Variants in CTPS1 observed in about 807,000 individuals in gnomAD.
CTPS1 encodes CTP synthetase 1.
A neutral mutation model predicts 80.5 loss-of-function variants in CTPS1; 25 were observed. The ratio of observed to expected loss-of-function variants is 0.31; its 90% CI spans 0.23 to 0.43. The LOEUF is 0.43. CTPS1 is among the 20% of genes least tolerant of loss of function. CTPS1 has a pLI of 1.00. For synonymous variants in CTPS1, 267 were observed against 252.5 expected (o/e 1.06, Z -0.54); for missense variants, 442 against 725.7 (o/e 0.61, Z 4.49).
chr1:40,994,938 T>G (rs1277429743), intron 7 of CTPS1, among the ~76,000 whole-genome samples: 1 of 152,256 alleles, frequency 6.6e-6, no homozygotes, highest in Non-Finnish European at 1.5e-5. Context: ...TTTCTATTTA[T>G]GTGGTGAATT....
At chr1:40,992,153 A>G (rs1043448580) in intron 7 of CTPS1, among the ~76,000 whole-genome samples, 2 of 152,110 alleles carry the variant, frequency 1.3e-5, no homozygotes, top group African/African-American at 4.8e-5. Context: ...TTAAGAACCC[A>G]TGTCCCCCTC....
At chr1:40,985,805 T>C (rs943733288) in intron 3 of CTPS1, among the ~76,000 whole-genome samples, 1 of 152,190 alleles carries the variant, frequency 6.6e-6, no homozygotes, top group Non-Finnish European at 1.5e-5. Flanking sequence ...TCACCAGCTT[T>C]GTGAACATGG....
intron 5 of CTPS1, among the ~76,000 whole-genome samples, chr1:40,990,211 A>G (rs1390870920): frequency 1.3e-5 from 2 of 152,206 alleles, no homozygotes; most frequent in Non-Finnish European, 2.9e-5. Flanking sequence ...AAAACCTAAA[A>G]TACTTACTAT....
At chr1:41,009,900 C>G (rs1197353570) in intron 17 of CTPS1, among the ~76,000 whole-genome samples, 3 of 152,178 alleles carry the variant, frequency 2.0e-5, no homozygotes, top group Non-Finnish European at 4.4e-5. Flanking sequence ...GGTTTATGTC[C>G]CATTGCCACC....
chr1:40,986,126 G>A (rs1642445928), intron 3 of CTPS1, among the ~76,000 whole-genome samples: 1 of 152,238 alleles, frequency 6.6e-6, no homozygotes, highest in Non-Finnish European at 1.5e-5. Context: ...TTACCTGTGG[G>A]GGAGGCAAAC....
rs1023738339 is a variant in CTPS1, at chr1:41,011,799, T to C, written c.*151T>C. 6.6e-6 allele frequency: 1 copy of C among 152,234 alleles called. No individual in the cohort carries two copies. Among genetic ancestry groups the C allele is most frequent in the African/African-American group, 2.4e-5 (1 of 41,454 alleles). 9.4% of individuals were successfully genotyped at this position (152,234 alleles called of 1,614,324 possible). A position where few individuals can be genotyped will look rare whatever the true frequency, so the allele number is the denominator to read the frequency against. On this transcript the variant is annotated 3_prime_UTR_variant, in exon 19 of 19. Transcript: ENST00000650070. ...AAAGGTATTTGGGAAACTTGTCACT[T>C]GCATGTCCCATCACGTGTACTGGCT...
chr1:41,000,212 CTTATGTTTTG>C (rs1462709365), intron 9 of CTPS1, among the ~76,000 whole-genome samples: 32 of 135,978 alleles, frequency 2.4e-4, no homozygotes, highest in African/African-American at 8.0e-4. Flanking sequence ...AAGATGGTAA[CTTATGTTTTG>C]TTTTGTTTTG....
At chr1:40,991,359 A>T (rs1570952356) in intron 6 of CTPS1, 111 bp downstream of exon 6, 1 of 783,024 alleles carries the variant, frequency 1.3e-6, no homozygotes, top group East Asian at 2.8e-5. Context: ...ATAATTGATG[A>T]TGGAGAAAAT....
intron 5 of CTPS1, among the ~76,000 whole-genome samples, chr1:40,989,026 A>G (rs533671364): frequency 6.6e-6 from 1 of 152,186 alleles, no homozygotes; most frequent in South Asian, 2.1e-4. Flanking sequence ...AATAGTAACA[A>G]AAATTGGGAA....
Position 41,008,226 on chromosome 1 carries a change from C to T in CTPS1, c.1394-433C>T, listed in dbSNP as rs1643083347. 3.9e-5 allele frequency among the ~76,000 whole-genome samples: 6 copies of T among 152,180 alleles called. No homozygotes were observed. The South Asian group carries it at 1.2e-3, about 31-fold the overall frequency. On this transcript the variant is annotated intron_variant, in intron 14 of 18. Coordinates refer to ENST00000650070, the MANE Select transcript of CTPS1 (RefSeq NM_001905.4). ...AATGTCCAGCTTGTTCACATGCAGCCACTGAGGGCTGATGACCTTTGATGA... is the reference window on the plus strand; with the variant it reads ...AATGTCCAGCTTGTTCACATGCAGCTACTGAGGGCTGATGACCTTTGATGA...
chr1:41,006,748 G>A (rs891805476), intron 13 of CTPS1, among the ~76,000 whole-genome samples: 2 of 152,190 alleles, frequency 1.3e-5, no homozygotes, highest in African/African-American at 2.4e-5. Flanking sequence ...ATGTGAATGC[G>A]TACTATATGC....
intron 3 of CTPS1, among the ~76,000 whole-genome samples, chr1:40,986,614 G>A (rs1642459750): frequency 6.6e-6 from 1 of 152,216 alleles, no homozygotes; most frequent in Non-Finnish European, 1.5e-5. Context: ...ATGAGGCATT[G>A]CTGTAACTGG....
In CTPS1 at chr1:40,984,859, C is replaced by A; in HGVS notation, c.205C>A (p.Leu69Ile). ...FVLDDGGEVD[L>I]DLGNYERFLD... ...GCTGGATGATGGTGGGGAAGTAGAC[C>A]TTGACCTGGGTAACTATGAGCGGTT... is the stretch of plus-strand genomic sequence containing the variant. Residue 69 changes from leucine (L) to isoleucine (I), a missense_variant, in exon 3 of 19, where the codon CTT (leucine) becomes ATT (isoleucine). By Grantham distance (5) the Leu-to-Ile change is conservative. Around this residue, in one of 4 missense-constraint regions of CTPS1, gnomAD observed 69 missense variants for 102.1 expected, o/e 0.68. Coordinates refer to ENST00000650070, the MANE Select transcript of CTPS1 (RefSeq NM_001905.4). The A allele has an allele frequency of 6.3e-7, 1 of 1,593,732 alleles. No individual in the cohort carries two copies. Among genetic ancestry groups the A allele is most frequent in the Non-Finnish European group, 8.6e-7 (1 of 1,166,828 alleles).
chr1:41,005,910 G>C (rs1385284981), intron 12 of CTPS1, 141 bp from the exon 13 acceptor site: 1 of 694,392 alleles, frequency 1.4e-6, no homozygotes, highest in Non-Finnish European at 2.6e-6. Flanking sequence ...TGGGGATGAG[G>C]TCAGGGGGAT....
chr1:41,004,360 G>C (rs1261198987), intron 12 of CTPS1: 1 of 152,266 alleles, frequency 6.6e-6, no homozygotes, highest in East Asian at 1.9e-4. Context: ...ACAGTGACCT[G>C]GCGGTGTGGC....
chr1:40,980,090 C>A (rs1275019781), intron 1 of CTPS1: 1 of 151,122 alleles, frequency 6.6e-6, no homozygotes, highest in South Asian at 2.1e-4. Context: ...CCAAGCGGGG[C>A]GCGGGGCGGC....
chr1:41,002,530 G>C (rs1351547879), intron 11 of CTPS1, among the ~76,000 whole-genome samples: 1 of 152,216 alleles, frequency 6.6e-6, no homozygotes, highest in African/African-American at 2.4e-5. Flanking sequence ...TGTAGCACAC[G>C]TGAGGTTGAG....
chr1:41,009,662 C>A, intron 17 of CTPS1, 73 bp downstream of exon 17: 7 of 1,529,884 alleles, frequency 4.6e-6, no homozygotes, highest in Non-Finnish European at 4.5e-6. Context: ...TTCATTACAG[C>A]AACACGTCAC....
At chr1:40,981,843 C>A (rs1642308893) in intron 1 of CTPS1, 3 of 362,160 alleles carry the variant, frequency 8.3e-6, no homozygotes, top group South Asian at 7.4e-5. Flanking sequence ...CCTTCCCTGC[C>A]AAGTGTGTTC....
Sources: allele counts gnomAD v4.1 joint callset (sites outside exome capture counted in the v4.1 genomes callset), GRCh38; gene constraint gnomAD v4.1.1; regional missense constraint gnomAD v4.1.1; transcripts MANE v1.5; gene names NCBI Gene and HGNC (gene_info 2026-07-23, HGNC 2026-07-21).